ELMO1: variants seen among roughly 807,000 people sequenced by gnomAD.
ELMO1 encodes engulfment and cell motility 1, also known as engulfment and cell motility protein 1.
A neutral mutation model predicts 98.9 loss-of-function variants in ELMO1; 26 were observed. That is an observed-to-expected ratio of 0.26 (90% CI 0.19 to 0.36). The LOEUF (loss-of-function observed/expected upper bound fraction) is 0.36. ELMO1 is among the 10% of genes least tolerant of loss of function. The pLI, the probability that ELMO1 is intolerant of heterozygous loss-of-function variation, is 1.00. For synonymous variants in ELMO1, 346 were observed against 346.0 expected, an observed-to-expected ratio of 1.00 and a Z score of 0.00; for missense variants, 627 against 935.2, an observed-to-expected ratio of 0.67 and a Z score of 4.30.
At chr7:37,194,099 G>A (rs560339279) in intron 13 of ELMO1, among the ~76,000 whole-genome samples, 2 of 152,086 alleles carry the variant, frequency 1.3e-5, no homozygotes, top group South Asian at 2.1e-4. Context: ...TGTATGTCCT[G>A]GCCAGTTTAT....
chr7:37,015,559 C>T (rs1793876463), intron 15 of ELMO1, among the ~76,000 whole-genome samples: 1 of 152,178 alleles, frequency 6.6e-6, no homozygotes, highest in Non-Finnish European at 1.5e-5. Flanking sequence ...CGAGATCACA[C>T]CACCGCACTC....
intron 14 of ELMO1, among the ~76,000 whole-genome samples, chr7:37,125,150 G>T (rs919435536): frequency 6.6e-6 from 1 of 152,166 alleles, no homozygotes; most frequent in Non-Finnish European, 1.5e-5. Context: ...ATGGATTAAA[G>T]ACTTAAATGT....
intron 16 of ELMO1, among the ~76,000 whole-genome samples, chr7:36,953,737 G>A (rs560750852): frequency 6.6e-6 from 1 of 152,156 alleles, no homozygotes; most frequent in South Asian, 2.1e-4. Context: ...AATCCATTGA[G>A]AATCTGGCAA....
chr7:37,398,777 C>T (rs1192533064), intron 1 of ELMO1, among the ~76,000 whole-genome samples: 1 of 152,194 alleles, frequency 6.6e-6, no homozygotes, highest in East Asian at 1.9e-4. Context: ...GACCCTTCTG[C>T]TAGACTCAGT....
chr7:37,383,529 G>A (rs1354312318), intron 1 of ELMO1, among the ~76,000 whole-genome samples: 2 of 152,084 alleles, frequency 1.3e-5, no homozygotes, highest in African/African-American at 4.8e-5. Context: ...TATGTTACAC[G>A]GCATTTGAGA....
chr7:37,091,949 G>A (rs956882556), intron 15 of ELMO1, among the ~76,000 whole-genome samples: 2 of 152,090 alleles, frequency 1.3e-5, no homozygotes, highest in Admixed American at 6.5e-5. Flanking sequence ...CTCCCACTGG[G>A]TCCCTCCTAT....
chr7:37,011,078 A>G (rs1793515741), intron 16 of ELMO1, among the ~76,000 whole-genome samples: 1 of 152,250 alleles, frequency 6.6e-6, no homozygotes, highest in South Asian at 2.1e-4. Flanking sequence ...GACCCCCAGC[A>G]TTAGTCTATG....
chr7:37,196,465 C>T (rs910460355), intron 13 of ELMO1, among the ~76,000 whole-genome samples: 4 of 152,122 alleles, frequency 2.6e-5, no homozygotes, highest in African/African-American at 7.2e-5. Context: ...GTGCATGTTC[C>T]CTTAAGAAGC....
intron 16 of ELMO1, among the ~76,000 whole-genome samples, chr7:37,011,430 AG>A (rs946077656): frequency 1.3e-5 from 2 of 152,222 alleles, no homozygotes; most frequent in Non-Finnish European, 2.9e-5. Flanking sequence ...TAACTTCTAT[AG>A]GATTTAAGTG....
At chr7:37,274,520 C>T (rs1796723518) in intron 4 of ELMO1, among the ~76,000 whole-genome samples, 1 of 152,128 alleles carries the variant, frequency 6.6e-6, no homozygotes, top group Admixed American at 6.6e-5. Context: ...GGGAAGAAGG[C>T]CCCAAGGGTA....
At chr7:37,094,653 T>C (rs570148260) in intron 15 of ELMO1, among the ~76,000 whole-genome samples, 1 of 152,096 alleles carries the variant, frequency 6.6e-6, no homozygotes, top group Non-Finnish European at 1.5e-5. Context: ...AATTCAACCA[T>C]CTCTTCCAAA....
chr7:36,875,889 G>A (rs191595293), intron 19 of ELMO1, among the ~76,000 whole-genome samples: 6 of 152,234 alleles, frequency 3.9e-5, no homozygotes, highest in Admixed American at 2.0e-4. Context: ...CAAACCTGTC[G>A]GTCAAGTGCC....
intron 16 of ELMO1, among the ~76,000 whole-genome samples, chr7:36,929,768 T>C (rs1224122655): frequency 1.3e-5 from 2 of 152,312 alleles, no homozygotes; most frequent in South Asian, 4.1e-4. Flanking sequence ...GATGGTCAAA[T>C]CTATTGTACT....
intron 16 of ELMO1, among the ~76,000 whole-genome samples, chr7:36,951,681 C>A (rs1399497106): frequency 6.6e-6 from 1 of 152,216 alleles, no homozygotes; most frequent in African/African-American, 2.4e-5. Context: ...TCTGGCCACG[C>A]CATTCAAAAT....
intron 1 of ELMO1, among the ~76,000 whole-genome samples, chr7:37,360,503 C>T (rs2717955): frequency 0.76 from 115,984 of 151,700 alleles, 44,455 homozygotes; most frequent in East Asian, 0.9. Flanking sequence ...AGCTCAGCCA[C>T]ACACTTAAAA....
Position 37,220,874 on chromosome 7 carries a change from C to T in ELMO1, c.780+1741G>A, listed in dbSNP as rs1027518836. On this transcript the variant is annotated intron_variant, in intron 10 of 21. Transcript: ENST00000310758. ...AGAATGCAACCTTCCTGACCCCACA[C>T]GCTACACTCAGCTACCATGTGGCTG... 1.8e-4 allele frequency among the ~76,000 whole-genome samples: 28 copies of T among 152,112 alleles called. 2 individuals carry two copies. Among genetic ancestry groups the T allele is most frequent in the Admixed American group, 1.1e-3 (17 of 15,268 alleles).
At chr7:37,067,403 T>C (rs1319906477) in intron 15 of ELMO1, among the ~76,000 whole-genome samples, 1 of 152,240 alleles carries the variant, frequency 6.6e-6, no homozygotes, top group Non-Finnish European at 1.5e-5. Flanking sequence ...TCTAAACGTA[T>C]GTGCAACAAA....
At chr7:37,170,356 C>T (rs1337190256) in intron 13 of ELMO1, among the ~76,000 whole-genome samples, 3 of 152,144 alleles carry the variant, frequency 2.0e-5, no homozygotes, top group Non-Finnish European at 4.4e-5. Context: ...ATTGAATTAG[C>T]AGAATGGGTC....
chr7:37,190,656 C>T (rs1233467185), intron 13 of ELMO1, among the ~76,000 whole-genome samples: 3 of 151,982 alleles, frequency 2.0e-5, no homozygotes, highest in South Asian at 2.1e-4. Flanking sequence ...CTGCCAATCA[C>T]GCCCGGCTAA....
Sources: gnomAD v4.1 joint callset for allele counts (sites outside exome capture counted in the v4.1 genomes callset) on GRCh38, gnomAD v4.1.1 for gene constraint, MANE v1.5 for transcripts, NCBI Gene and HGNC (gene_info 2026-07-23, HGNC 2026-07-21) for gene names.